Variants in KIF1B observed in about 807,000 individuals in gnomAD.
KIF1B encodes the protein kinesin family member 1B, also known as kinesin-like protein KIF1B.
KIF1B carries 76 observed loss-of-function variants against 241.9 expected under a neutral mutation model. The observed-to-expected ratio is 0.31, with a 90% CI of 0.26 to 0.38. The LOEUF (loss-of-function observed/expected upper bound fraction) is 0.38, where lower values mean the gene tolerates loss of function less well. Ranked by LOEUF, KIF1B falls within the 10% of genes least tolerant of loss-of-function variation. The pLI is 1.00. For missense variants in KIF1B, 1,622 were observed against 2,271.4 expected (o/e 0.71, Z 5.81); for synonymous variants, 750 against 796.7 (o/e 0.94, Z 0.99).
intron 27 of KIF1B, among the ~76,000 whole-genome samples, chr1:10,333,292 C>A (rs1202736997): frequency 1.3e-5 from 2 of 151,406 alleles, no homozygotes; most frequent in African/African-American, 4.9e-5. Context: ...ATCGCTTGAA[C>A]CCGGGAGATA....
At chr1:10,263,290 T>A (rs1472639127) in intron 5 of KIF1B, among the ~76,000 whole-genome samples, 8 of 147,980 alleles carry the variant, frequency 5.4e-5, no homozygotes, top group Middle Eastern at 3.4e-3. Context: ...ATAATAATAA[T>A]AAATAAATAA....
At chr1:10,232,576 T>C (rs774702292) in intron 2 of KIF1B, 142 bp downstream of exon 2, 36 of 692,144 alleles carry the variant, frequency 5.2e-5, no homozygotes, top group Admixed American at 2.9e-4. Context: ...TTGAATGTAT[T>C]CCCCTCTGTG....
At chr1:10,242,957 G>A (rs1647158852) in intron 2 of KIF1B, among the ~76,000 whole-genome samples, 1 of 152,156 alleles carries the variant, frequency 6.6e-6, no homozygotes, top group African/African-American at 2.4e-5. Flanking sequence ...AAGCCCTTTT[G>A]GTTTTGGCTT....
At chr1:10,338,745 C>T (rs1207238623) in intron 31 of KIF1B, among the ~76,000 whole-genome samples, 1 of 152,222 alleles carries the variant, frequency 6.6e-6, no homozygotes, top group Non-Finnish European at 1.5e-5. Flanking sequence ...TTTATAGTCG[C>T]TCCTCTGGCC....
At position 10,300,267 on chromosome 1, in the gene KIF1B, T is replaced by TAATAAG. The variant is rs1189386541; in HGVS notation, c.2115+3022_2115+3023insATAAGA. Among the ~76,000 whole-genome samples, 11 of 148,478 alleles carry TAATAAG rather than the reference T, an allele frequency of 7.4e-5. No homozygotes were observed. The East Asian group carries it at 2.0e-3, about 26-fold the overall frequency. On this transcript the variant is annotated intron_variant, in intron 22 of 48. Transcript: ENST00000676179. Reference sequence around the variant, plus strand: ...ATAATAATAATAATAATAATAATAATATAGATAAATATAAAAAATTCTTTT... The same window carrying TAATAAG: ...ATAATAATAATAATAATAATAATAATAATAAGATAGATAAATATAAAAAATTCTTTT...
chr1:10,272,064 G>A (rs1352141056), intron 8 of KIF1B, among the ~76,000 whole-genome samples, 177 bp from the exon 9 acceptor site: 1 of 152,236 alleles, frequency 6.6e-6, no homozygotes, highest in African/African-American at 2.4e-5. Flanking sequence ...AGTTAGGCAT[G>A]TGGTCTCAGC....
rs996109773 is a variant in KIF1B at position 10,303,333 on chromosome 1, G to A, written c.2115+6087G>A. ...AACGTGAACCAATTAAAATGTATCA[G>A]ATACCCCAAAGAAGGCGCTTGAGTA... is the stretch of plus-strand genomic sequence containing the variant. On this transcript the variant is annotated intron_variant, in intron 22 of 48. Coordinates refer to ENST00000676179, the MANE Select transcript of KIF1B (RefSeq NM_001365951.3). This position sits in a 1 kb window ranked among gnomAD's most constrained non-coding sequence, Gnocchi z 5.2. 6.2e-7 allele frequency: 1 copy of A among 1,614,164 alleles called. No individual in the cohort carries two copies. Among genetic ancestry groups the A allele is most frequent in the Non-Finnish European group, 8.5e-7 (1 of 1,180,032 alleles).
intron 44 of KIF1B, among the ~76,000 whole-genome samples, chr1:10,370,779 G>A (rs996354255): frequency 6.6e-6 from 1 of 151,912 alleles, no homozygotes; most frequent in Non-Finnish European, 1.5e-5. Context: ...TAAAATATTT[G>A]TAGGCTTGTT....
chr1:10,238,706 AAACAAC>A (rs146414281), intron 2 of KIF1B, among the ~76,000 whole-genome samples: 40,009 of 150,560 alleles, frequency 0.27, 5,465 homozygotes, highest in Admixed American at 0.32. Context: ...CCCCATCCAA[AAACAAC>A]AACAACAACA....
intron 1 of KIF1B, among the ~76,000 whole-genome samples, chr1:10,217,857 G>A (rs1202108771): frequency 6.6e-6 from 1 of 151,854 alleles, no homozygotes; most frequent in Non-Finnish European, 1.5e-5. Flanking sequence ...TAATTTTAAT[G>A]TCCTCCCTCT....
rs1212705349 is a variant in KIF1B at position 10,319,960 on chromosome 1, C to A, written c.2116-83C>A. On this transcript the variant is annotated intron_variant, in intron 22 of 48. Transcript: ENST00000676179. The stretch of plus-strand genomic sequence containing the variant: ...TCCTTGTCCTTTGCTTTCTCTACTT[C>A]CCCCAATATTCCTTCCATTTCTCTT... 9 of 845,918 alleles carry A rather than the reference C, an allele frequency of 1.1e-5. No individual in the cohort carries two copies. The Admixed American group carries it at 1.6e-4, about 15-fold the overall frequency. The allele number at this position is 845,918 out of a possible 1,614,324, so 52.4% of individuals were successfully genotyped here.
chr1:10,254,876 C>CAAAAAAAAAAAAAAAAAA (rs1159193467), intron 2 of KIF1B, among the ~76,000 whole-genome samples: 1 of 36,640 alleles, frequency 2.7e-5, no homozygotes, highest in Non-Finnish European at 5.1e-5. Context: ...GACTCTGTCT[C>CAAAAAAAAAAAAAAAAAA]AAAAAAAAAA....
rs77172218 is a variant in KIF1B at position 10,368,512 on chromosome 1, G to C, written c.4798G>C (p.Val1600Leu). 1 of 1,613,932 alleles carries C rather than the reference G, an allele frequency of 6.2e-7. No homozygotes were observed. Among genetic ancestry groups the C allele is most frequent in the African/African-American group, 1.3e-5 (1 of 75,020 alleles). The stretch of plus-strand genomic sequence containing the variant: ...CACTTTCAACAGAGAATTCAGCCAG[G>C]TGCACGGCAGCGTCAGTGACTGTAA... ...THTFNREFSQ[V>L]HGSVSDCKLS... Residue 1600 changes from valine to leucine, a missense_variant, in exon 44 of 49, where the codon GTG becomes CTG. Physicochemically the swap from Val to Leu is conservative, Grantham distance 32. Transcript: ENST00000676179.
At chr1:10,219,227 C>T (rs1287236546) in intron 1 of KIF1B, among the ~76,000 whole-genome samples, 2 of 151,798 alleles carry the variant, frequency 1.3e-5, no homozygotes, top group East Asian at 1.9e-4. Flanking sequence ...TTTGGGAGGC[C>T]GAGGCTGGTG....
At position 10,368,394 on chromosome 1, in the gene KIF1B, G is replaced by A. The variant is rs12130563; in HGVS notation, c.4753-73G>A. On this transcript the variant is annotated intron_variant, in intron 43 of 48. Transcript: ENST00000676179. ...AACTCAGCCCTTCAGGAGCCTCCACGTGGTCAGCTATCCCAAGGCTCCTGG... is the reference window on the plus strand; with the variant it reads ...AACTCAGCCCTTCAGGAGCCTCCACATGGTCAGCTATCCCAAGGCTCCTGG... 0.33 allele frequency: 416,542 copies of A among 1,271,132 alleles called. 68,986 individuals are homozygous for A. Among genetic ancestry groups the A allele is most frequent in the Admixed American group, 0.38 (22,317 of 59,272 alleles). 78.7% of individuals were successfully genotyped at this position (1,271,132 alleles called of 1,614,324 possible). A position where few individuals can be genotyped will look rare whatever the true frequency, so the allele number is the denominator to read the frequency against.
intron 2 of KIF1B, among the ~76,000 whole-genome samples, chr1:10,241,158 A>T (rs2102149047): frequency 6.6e-6 from 1 of 152,196 alleles, no homozygotes. Flanking sequence ...TGTTGCGCAG[A>T]CTGAATACAG....
At chr1:10,301,880 A>G (rs1650560499) in intron 22 of KIF1B, among the ~76,000 whole-genome samples, 1 of 152,236 alleles carries the variant, frequency 6.6e-6, no homozygotes, top group African/African-American at 2.4e-5. Context: ...CTTATTATCT[A>G]TACAGCCCTT....
Position 10,365,651 on chromosome 1 carries a change from G to A in KIF1B, c.4752+3G>A, listed in dbSNP as rs778071033. 1.9e-6 allele frequency: 3 copies of A among 1,614,102 alleles called. No individual in the cohort carries two copies. The highest frequency in any genetic ancestry group is 1.7e-5 in the Admixed American group (1 of 60,010). ...GAGAGAAAGAGCTGGCTACCAAGGT[G>A]TGAATCCCTTCCTCTTTGCTGAACG... On this transcript the variant is annotated splice_donor_region_variant and intron_variant, in intron 43 of 48. Coordinates refer to ENST00000676179, the MANE Select transcript of KIF1B (RefSeq NM_001365951.3). This position sits in a 1 kb window ranked among gnomAD's most constrained non-coding sequence, Gnocchi z 4.0.
chr1:10,375,765 T>C (rs1638864838), intron 48 of KIF1B, among the ~76,000 whole-genome samples: 1 of 148,058 alleles, frequency 6.8e-6, no homozygotes, highest in Non-Finnish European at 1.5e-5. Flanking sequence ...GAAGAATTTT[T>C]CTTTTCTTTT....
Sources: gnomAD v4.1 joint callset for allele counts (sites outside exome capture counted in the v4.1 genomes callset) on GRCh38, gnomAD v4.1.1 for gene constraint, Gnocchi (gnomAD v3.1) non-coding constraint, MANE v1.5 for transcripts, NCBI Gene and HGNC (gene_info 2026-07-23, HGNC 2026-07-21) for gene names.